Variants in VWA8 observed in about 807,000 individuals in gnomAD.
VWA8 encodes von Willebrand factor A domain-containing protein 8.
In VWA8, 221 loss-of-function variants were observed where a neutral mutation model predicts 241.5. The ratio of observed to expected loss-of-function variants is 0.91; its 90% confidence interval spans 0.82 to 1.02. VWA8 has a LOEUF of 1.02. VWA8 is among the 50% of genes least tolerant of loss of function. The pLI, the probability that VWA8 is intolerant of heterozygous loss-of-function variation, is 0.00. For missense variants in VWA8, 2,322 were observed against 2,328.7 expected, an observed-to-expected ratio of 1.00 and a Z score of 0.06; for synonymous variants, 852 against 827.1, an observed-to-expected ratio of 1.03 and a Z score of -0.52.
intron 40 of VWA8, among the ~76,000 whole-genome samples, chr13:41,603,229 C>T (rs2044532861): frequency 6.6e-6 from 1 of 152,104 alleles, no homozygotes; most frequent in Non-Finnish European, 1.5e-5. Flanking sequence ...AAGCTGAAAG[C>T]AAAACTGGAC....
intron 9 of VWA8, among the ~76,000 whole-genome samples, chr13:41,872,940 C>T (rs1873707457): frequency 6.6e-6 from 1 of 152,072 alleles, no homozygotes; most frequent in South Asian, 2.1e-4. Context: ...TACCCATGAG[C>T]ATGGAATGTT....
intron 10 of VWA8, among the ~76,000 whole-genome samples, chr13:41,866,687 A>G (rs982587566): frequency 6.6e-6 from 1 of 152,174 alleles, no homozygotes; most frequent in African/African-American, 2.4e-5. Flanking sequence ...AACTTATAGT[A>G]AAGATATTAC....
At chr13:41,639,870 C>T (rs2044784207) in intron 37 of VWA8, among the ~76,000 whole-genome samples, 1 of 152,086 alleles carries the variant, frequency 6.6e-6, no homozygotes, top group Non-Finnish European at 1.5e-5. Flanking sequence ...GTACACCAAA[C>T]CCCAGTGACA....
chr13:41,613,515 G>A (rs17062436), intron 38 of VWA8, among the ~76,000 whole-genome samples: 2,925 of 152,278 alleles, frequency 0.019, 96 homozygotes, highest in African/African-American at 0.063. Context: ...TAGGTGCTGA[G>A]ATGTTATCAT....
chr13:41,730,745 G>T lies in VWA8; in HGVS notation c.2503-1068C>A, dbSNP rs2045476156. ...AAATCTCAAGATTTTTAAAAAAATA[G>T]TAAGAAATATAATGTAAAGTGGACC... On this transcript the variant is annotated intron_variant, in intron 22 of 44. Coordinates refer to ENST00000379310, the MANE Select transcript of VWA8 (RefSeq NM_015058.2). 2.6e-5 allele frequency among the ~76,000 whole-genome samples: 4 copies of T among 152,024 alleles called. No individual in the cohort carries two copies. In the South Asian group the frequency reaches 8.3e-4, roughly 32 times the overall value.
chr13:41,588,180 G>T (rs967332456), intron 41 of VWA8, among the ~76,000 whole-genome samples: 1 of 152,144 alleles, frequency 6.6e-6, no homozygotes, highest in Non-Finnish European at 1.5e-5. Context: ...TGTGATGGGG[G>T]TCTGGCAAAG....
chr13:41,746,743 A>T (rs1349700618), intron 21 of VWA8, among the ~76,000 whole-genome samples: 2 of 152,240 alleles, frequency 1.3e-5, no homozygotes, highest in Non-Finnish European at 2.9e-5. Flanking sequence ...AAATGGAATT[A>T]ATATGGAATA....
At chr13:41,814,313 T>C (rs1870596599) in intron 16 of VWA8, among the ~76,000 whole-genome samples, 1 of 152,098 alleles carries the variant, frequency 6.6e-6, no homozygotes, top group East Asian at 1.9e-4. Context: ...ATATGTCAAG[T>C]GTCATGAAAG....
At chr13:41,891,895 A>G (rs1329465437) in intron 4 of VWA8, among the ~76,000 whole-genome samples, 2 of 152,248 alleles carry the variant, frequency 1.3e-5, no homozygotes, top group Non-Finnish European at 2.9e-5. Flanking sequence ...CTATCTATGA[A>G]CAAGGAACAT....
chr13:41,901,890 AT>A (rs869257607), intron 4 of VWA8, among the ~76,000 whole-genome samples: 6,106 of 70,712 alleles, frequency 0.086, 484 homozygotes, highest in Non-Finnish European at 0.11. Flanking sequence ...AAAAAAAAAA[AT>A]ATATATATAT....
At chr13:41,903,826 C>G (rs1875573784) in intron 4 of VWA8, among the ~76,000 whole-genome samples, 1 of 152,002 alleles carries the variant, frequency 6.6e-6, no homozygotes, top group Non-Finnish European at 1.5e-5. Flanking sequence ...TGATTATGAA[C>G]AGCACAGTAA....
chr13:41,632,273 T>C (rs1208007906), intron 37 of VWA8, among the ~76,000 whole-genome samples: 1 of 152,230 alleles, frequency 6.6e-6, no homozygotes, highest in East Asian at 1.9e-4. Context: ...TGTGCTTTTC[T>C]CAAAATATCA....
intron 10 of VWA8, among the ~76,000 whole-genome samples, chr13:41,866,382 T>C (rs1249026225): frequency 1.3e-5 from 2 of 148,754 alleles, no homozygotes; most frequent in African/African-American, 2.5e-5. Context: ...TATATGTGTG[T>C]GTGTGTGCGC....
At chr13:41,632,485 G>A (rs899096656) in intron 37 of VWA8, among the ~76,000 whole-genome samples, 1 of 152,150 alleles carries the variant, frequency 6.6e-6, no homozygotes, top group African/African-American at 2.4e-5. Flanking sequence ...TTAGCATGAG[G>A]AATTCTTTTC....
chr13:41,948,019 T>C (rs947510029), intron 2 of VWA8, among the ~76,000 whole-genome samples: 1 of 151,576 alleles, frequency 6.6e-6, no homozygotes. Context: ...ACCTAGCAAT[T>C]TATCTTCTAG....
chr13:41,896,283 T>C (rs1291232026), intron 4 of VWA8, among the ~76,000 whole-genome samples: 1 of 152,032 alleles, frequency 6.6e-6, no homozygotes, highest in Non-Finnish European at 1.5e-5. Context: ...TTTTAAAATA[T>C]AAGAAAAGTA....
intron 24 of VWA8, among the ~76,000 whole-genome samples, chr13:41,723,227 A>T (rs2045406848): frequency 6.6e-6 from 1 of 152,172 alleles, no homozygotes; most frequent in Admixed American, 6.5e-5. Context: ...TTCCTCTTCT[A>T]TAAGGCATCT....
intron 41 of VWA8, among the ~76,000 whole-genome samples, chr13:41,590,262 C>T (rs976714026): frequency 2.6e-5 from 4 of 152,192 alleles, no homozygotes; most frequent in African/African-American, 9.7e-5. Context: ...CCAGGAACTG[C>T]TGTCTCATTC....
chr13:41,741,696 A>C (rs2045570918), intron 21 of VWA8, among the ~76,000 whole-genome samples: 1 of 152,248 alleles, frequency 6.6e-6, no homozygotes, highest in Non-Finnish European at 1.5e-5. Context: ...TTAAATACTA[A>C]TTATAAAACG....
Sources: allele counts gnomAD v4.1 joint callset (sites outside exome capture counted in the v4.1 genomes callset), GRCh38; gene constraint gnomAD v4.1.1; transcripts MANE v1.5; gene names NCBI Gene and HGNC (gene_info 2026-07-23, HGNC 2026-07-21).